CADPS: variants seen among roughly 807,000 people sequenced by gnomAD.
The protein encoded by CADPS is calcium-dependent secretion activator 1.
CADPS carries 57 observed loss-of-function variants against 167.3 expected under a neutral mutation model. The ratio of observed to expected loss-of-function variants is 0.34; its 90% CI spans 0.28 to 0.42. The LOEUF is 0.42. Among genes scored for constraint, CADPS ranks in the 20% least tolerant of loss-of-function variants. The pLI, the probability that CADPS is intolerant of heterozygous loss-of-function variation, is 1.00. For synonymous variants in CADPS, 676 were observed against 635.3 expected, an observed-to-expected ratio of 1.06 and a Z score of -0.96; for missense variants, 1,414 against 1,738.1, an observed-to-expected ratio of 0.81 and a Z score of 3.32.
intron 1 of CADPS, among the ~76,000 whole-genome samples, chr3:62,829,823 G>T (rs2074741084): frequency 6.6e-6 from 1 of 152,126 alleles, no homozygotes. Context: ...TACTGAGAAG[G>T]AACTACTGAG....
chr3:62,460,832 C>T (rs1272395163), intron 26 of CADPS, among the ~76,000 whole-genome samples: 1 of 152,126 alleles, frequency 6.6e-6, no homozygotes, highest in African/African-American at 2.4e-5. Context: ...ACTGGACATA[C>T]GGTAGGTTTC....
At chr3:62,587,515 C>A (rs2084903117) in intron 7 of CADPS, among the ~76,000 whole-genome samples, 1 of 152,148 alleles carries the variant, frequency 6.6e-6, no homozygotes, top group Admixed American at 6.5e-5. Flanking sequence ...TGCTGGGAAG[C>A]CAGAAAGGGA....
intron 17 of CADPS, 161 bp from the exon 18 acceptor site, chr3:62,499,429 GC>G: frequency 1.9e-6 from 1 of 515,674 alleles, no homozygotes. Flanking sequence ...AAACCATAAA[GC>G]CATTTTATTA....
intron 1 of CADPS, among the ~76,000 whole-genome samples, chr3:62,771,355 G>A (rs1185192197): frequency 6.6e-6 from 1 of 152,148 alleles, no homozygotes; most frequent in Non-Finnish European, 1.5e-5. Flanking sequence ...ACTCATCTTT[G>A]ACTTCTTAAC....
At chr3:62,583,289 T>C (rs1475738926) in intron 8 of CADPS, among the ~76,000 whole-genome samples, 1 of 152,074 alleles carries the variant, frequency 6.6e-6, no homozygotes, top group African/African-American at 2.4e-5. Flanking sequence ...TCTTCTCTTG[T>C]GTACTACAGA....
chr3:62,613,377 G>A (rs1303077330), intron 6 of CADPS, among the ~76,000 whole-genome samples: 2 of 152,110 alleles, frequency 1.3e-5, no homozygotes, highest in Admixed American at 1.3e-4. Context: ...TAGTTAGCAG[G>A]CAATACAGGT....
intron 6 of CADPS, among the ~76,000 whole-genome samples, chr3:62,605,112 A>C (rs2060510427): frequency 6.6e-6 from 1 of 152,236 alleles, no homozygotes; most frequent in African/African-American, 2.4e-5. Context: ...AAGACTCAAA[A>C]GTTTACAAAA....
chr3:62,571,462 T>C (rs2152456909), intron 8 of CADPS, among the ~76,000 whole-genome samples: 1 of 152,184 alleles, frequency 6.6e-6, no homozygotes, highest in South Asian at 2.1e-4. Flanking sequence ...AGCTCTTCTG[T>C]TGAAAGAAAT....
At chr3:62,661,637 T>A (rs1434470319) in intron 4 of CADPS, among the ~76,000 whole-genome samples, 1 of 152,100 alleles carries the variant, frequency 6.6e-6, no homozygotes, top group Admixed American at 6.5e-5. Flanking sequence ...TGAGGCTCTG[T>A]TTTGAGATGT....
chr3:62,656,000 G>A (rs2071465979), intron 4 of CADPS, among the ~76,000 whole-genome samples: 2 of 152,148 alleles, frequency 1.3e-5, no homozygotes, highest in Admixed American at 6.6e-5. Context: ...AAACGGACTC[G>A]ACCCTGAATG....
chr3:62,565,743 A>T (rs2080036881), intron 9 of CADPS, among the ~76,000 whole-genome samples: 1 of 152,188 alleles, frequency 6.6e-6, no homozygotes, highest in African/African-American at 2.4e-5. Context: ...GATCCTTAAG[A>T]AATGGGAATT....
At chr3:62,574,508 C>CT (rs2081914635) in intron 8 of CADPS, among the ~76,000 whole-genome samples, 1 of 152,130 alleles carries the variant, frequency 6.6e-6, no homozygotes, top group Non-Finnish European at 1.5e-5. Flanking sequence ...CAACCTTGTG[C>CT]TGCTGATGAG....
At chr3:62,799,663 A>T (rs910235007) in intron 1 of CADPS, among the ~76,000 whole-genome samples, 7 of 152,094 alleles carry the variant, frequency 4.6e-5, no homozygotes, top group Non-Finnish European at 7.3e-5. Context: ...TCTGAGCCTC[A>T]GCTATTTTTA....
chr3:62,795,060 C>T (rs1316738109), intron 1 of CADPS, among the ~76,000 whole-genome samples: 5 of 152,072 alleles, frequency 3.3e-5, no homozygotes, highest in African/African-American at 9.7e-5. Context: ...TGACATCTTC[C>T]TAAGAACTCA....
chr3:62,653,029 TC>T, intron 4 of CADPS, among the ~76,000 whole-genome samples: 1 of 152,236 alleles, frequency 6.6e-6, no homozygotes, highest in South Asian at 2.1e-4. Context: ...TTCCCCTCTC[TC>T]CCTATCTCCC....
intron 9 of CADPS, among the ~76,000 whole-genome samples, chr3:62,568,892 A>C (rs2080785172): frequency 6.6e-6 from 1 of 152,088 alleles, no homozygotes; most frequent in Non-Finnish European, 1.5e-5. Context: ...TTTAAACCTT[A>C]ATTAGCTTGA....
At chr3:62,445,140 A>C (rs1241789671) in intron 27 of CADPS, among the ~76,000 whole-genome samples, 1 of 152,216 alleles carries the variant, frequency 6.6e-6, no homozygotes, top group Non-Finnish European at 1.5e-5. Context: ...ACCTCAATTT[A>C]AATGTAAATT....
At chr3:62,709,628 T>G (rs2082991473) in intron 3 of CADPS, among the ~76,000 whole-genome samples, 1 of 152,074 alleles carries the variant, frequency 6.6e-6, no homozygotes, top group Non-Finnish European at 1.5e-5. Flanking sequence ...TTAAGCAGAT[T>G]CCTGAGGCCT....
At chr3:62,772,061 G>A (rs1448655102) in intron 1 of CADPS, among the ~76,000 whole-genome samples, 2 of 152,066 alleles carry the variant, frequency 1.3e-5, no homozygotes. Context: ...TGAAAACTAG[G>A]TGGGATAATA....
Sources: gnomAD v4.1 joint callset for allele counts (sites outside exome capture counted in the v4.1 genomes callset) on GRCh38, gnomAD v4.1.1 for gene constraint, MANE v1.5 for transcripts, NCBI Gene and HGNC (gene_info 2026-07-23, HGNC 2026-07-21) for gene names.